Variants in CCDC93 observed in about 807,000 individuals in gnomAD.
The protein encoded by CCDC93 is CCC complex scaffolding subunit CCDC93.
In CCDC93, 61 loss-of-function variants were observed where a neutral mutation model predicts 108.2. The ratio of observed to expected loss-of-function variants is 0.56; its 90% CI spans 0.46 to 0.70. CCDC93 has a LOEUF of 0.70. Ranked by LOEUF, CCDC93 falls within the 30% of genes least tolerant of loss-of-function variation. CCDC93 has a pLI of 0.00. For missense variants in CCDC93, 685 were observed against 764.2 expected, an observed-to-expected ratio of 0.90 and a Z score of 1.22; for synonymous variants, 276 against 260.4, an observed-to-expected ratio of 1.06 and a Z score of -0.58.
intron 3 of CCDC93, among the ~76,000 whole-genome samples, chr2:118,005,806 T>C (rs375447783): frequency 6.6e-6 from 1 of 150,782 alleles, no homozygotes; most frequent in African/African-American, 2.4e-5. Flanking sequence ...CATATGCTTC[T>C]TTTGTCAACA....
Position 117,964,331 on chromosome 2 carries a change from A to C in CCDC93, c.889-5850T>G, listed in dbSNP as rs189070774. On this transcript the variant is annotated intron_variant, in intron 11 of 23. Coordinates refer to ENST00000376300, the MANE Select transcript of CCDC93 (RefSeq NM_019044.5). ...ATCCTCTGCATTCTCCTCAATGCCT[A>C]AATTGTGTCACAGAGGAAAAGGGTT... Among the ~76,000 whole-genome samples, 11 of 152,306 alleles carry C rather than the reference A, an allele frequency of 7.2e-5. No homozygotes were observed. The East Asian group carries it at 1.9e-3, about 27-fold the overall frequency.
intron 11 of CCDC93, among the ~76,000 whole-genome samples, chr2:117,965,751 C>T (rs1201702232): frequency 1.3e-5 from 2 of 152,110 alleles, no homozygotes; most frequent in Admixed American, 1.3e-4. Flanking sequence ...ACGCGTAACG[C>T]AATCCCTGCC....
intron 13 of CCDC93, chr2:117,949,725 A>C (rs935538884): frequency 4.1e-6 from 4 of 984,376 alleles, no homozygotes; most frequent in Non-Finnish European, 4.8e-6. Flanking sequence ...AAGTTTTAAA[A>C]AAGTTCCAAG....
rs540880922 is a variant in CCDC93, at chr2:117,965,325, C to T, written c.889-6844G>A. On this transcript the variant is annotated intron_variant, in intron 11 of 23. Coordinates refer to ENST00000376300, the MANE Select transcript of CCDC93 (RefSeq NM_019044.5). ...GGGCAGGATGATAGGATTGGAAACACTCACATCTAAGCTTATTAGAAATCA... is the reference window on the plus strand; with the variant it reads ...GGGCAGGATGATAGGATTGGAAACATTCACATCTAAGCTTATTAGAAATCA... Among the ~76,000 whole-genome samples the T allele has an allele frequency of 1.4e-3, 208 of 152,220 alleles. 1 individual carries two copies. Among genetic ancestry groups the T allele is most frequent in the African/African-American group, 4.9e-3 (202 of 41,532 alleles).
In CCDC93 at chr2:117,920,040, C is replaced by A; in HGVS notation, c.*303G>T. The A allele has an allele frequency of 3.9e-6, 1 of 254,368 alleles. No individual in the cohort carries two copies. Among genetic ancestry groups the A allele is most frequent in the Non-Finnish European group, 7.6e-6 (1 of 132,308 alleles). 15.8% of individuals were successfully genotyped at this position (254,368 alleles called of 1,614,324 possible). A position where few individuals can be genotyped will look rare whatever the true frequency, so the allele number is the denominator to read the frequency against. On this transcript the variant is annotated 3_prime_UTR_variant, in exon 24 of 24. Transcript: ENST00000376300. ...TCTTTATTCAGAGTCCATACAAATA[C>A]AGGTACCTTCATAAGCGCAATGTTA...
At chr2:117,936,307 A>G (rs950952638) in intron 21 of CCDC93, among the ~76,000 whole-genome samples, 1 of 152,190 alleles carries the variant, frequency 6.6e-6, no homozygotes, top group Non-Finnish European at 1.5e-5. Context: ...AACAATGTAC[A>G]CATTAACCAA....
intron 5 of CCDC93, 64 bp downstream of exon 5, chr2:117,996,200 G>A (rs1171725461): frequency 7.2e-6 from 8 of 1,104,754 alleles, no homozygotes; most frequent in Non-Finnish European, 9.6e-6. Flanking sequence ...CTCCTTGCTA[G>A]AGAGTCTCTT....
intron 23 of CCDC93, among the ~76,000 whole-genome samples, chr2:117,922,975 G>A (rs17569438): frequency 6.6e-6 from 1 of 150,732 alleles, no homozygotes; most frequent in African/African-American, 2.5e-5. Flanking sequence ...ACATGTGGGT[G>A]CCAGTTTTAA....
intron 5 of CCDC93, 82 bp from the exon 6 acceptor site, chr2:117,995,584 T>C (rs763161518): frequency 3.0e-5 from 32 of 1,079,448 alleles, no homozygotes; most frequent in Non-Finnish European, 4.1e-5. Context: ...GTCTTATAAA[T>C]TGACTTCTCA....
At chr2:117,996,575 G>T in intron 4 of CCDC93, 1 of 450,024 alleles carries the variant, frequency 2.2e-6, no homozygotes, top group Non-Finnish European at 4.0e-6. Context: ...CTGAGTAGCC[G>T]TGCAGGAGCT....
At chr2:117,945,697 A>T in intron 16 of CCDC93, 115 bp from the exon 17 acceptor site, 2 of 783,742 alleles carry the variant, frequency 2.6e-6, no homozygotes, top group Non-Finnish European at 4.4e-6. Flanking sequence ...CAGCTGAGAA[A>T]TGTGTTGATG....
At chr2:117,931,720 T>G (rs1256175877) in intron 22 of CCDC93, 1 of 152,290 alleles carries the variant, frequency 6.6e-6, no homozygotes, top group Admixed American at 6.5e-5. Flanking sequence ...AAATTATCAT[T>G]TTAAAAACAA....
chr2:117,982,042 T>C (rs1217658930), intron 7 of CCDC93, among the ~76,000 whole-genome samples: 2 of 152,296 alleles, frequency 1.3e-5, no homozygotes, highest in East Asian at 3.9e-4. Flanking sequence ...CTTATCATCA[T>C]AGGAGACACA....
intron 12 of CCDC93, among the ~76,000 whole-genome samples, chr2:117,956,128 A>C (rs1201866696): frequency 6.6e-6 from 1 of 152,196 alleles, no homozygotes; most frequent in African/African-American, 2.4e-5. Context: ...TTCCTCATCC[A>C]GTTGGCCTAG....
intron 11 of CCDC93, among the ~76,000 whole-genome samples, chr2:117,968,265 T>G (rs1399134519): frequency 1.3e-5 from 2 of 152,214 alleles, no homozygotes; most frequent in East Asian, 3.8e-4. Flanking sequence ...CCTATCAAGC[T>G]TAGGGGGTTG....
intron 4 of CCDC93, chr2:117,997,701 C>G (rs6754086): frequency 0.35 from 52,902 of 152,160 alleles, 9,717 homozygotes; most frequent in Middle Eastern, 0.48. Flanking sequence ...AGACTAAAAT[C>G]CAGAAGCAGA....
chr2:117,923,443 A>G (rs1221924448), intron 23 of CCDC93, among the ~76,000 whole-genome samples: 1 of 152,232 alleles, frequency 6.6e-6, no homozygotes, highest in Non-Finnish European at 1.5e-5. Context: ...CAACGGTCTT[A>G]GCAAATGGCA....
At chr2:118,001,157 T>G (rs1438831449) in intron 3 of CCDC93, 4 of 408,730 alleles carry the variant, frequency 9.8e-6, no homozygotes, top group Non-Finnish European at 1.7e-5. Flanking sequence ...TATTCTATAA[T>G]GTTTTTCTTC....
intron 12 of CCDC93, among the ~76,000 whole-genome samples, chr2:117,953,353 C>T (rs577280064): frequency 4.9e-4 from 75 of 152,238 alleles, no homozygotes; most frequent in African/African-American, 1.4e-3. Context: ...TATCAAGAAG[C>T]CAACTCAAGC....
Sources: gnomAD v4.1 joint callset for allele counts (sites outside exome capture counted in the v4.1 genomes callset) on GRCh38, gnomAD v4.1.1 for gene constraint, MANE v1.5 for transcripts, NCBI Gene and HGNC (gene_info 2026-07-23, HGNC 2026-07-21) for gene names.